Variants in GPR89B observed in about 807,000 individuals in gnomAD.
GPR89B encodes golgi pH regulator B, also known as G protein-coupled receptor 89B.
A neutral mutation model predicts 52.4 loss-of-function variants in GPR89B; 25 were observed. That is an observed-to-expected ratio of 0.48 (90% CI 0.35 to 0.67). The LOEUF is 0.67. Ranked by LOEUF, GPR89B falls within the 30% of genes least tolerant of loss-of-function variation. The pLI, the probability that GPR89B is intolerant of heterozygous loss-of-function variation, is 0.01. For synonymous variants in GPR89B, 52 were observed against 151.2 expected, an observed-to-expected ratio of 0.34 and a Z score of 4.81; for missense variants, 146 against 450.2, an observed-to-expected ratio of 0.32 and a Z score of 6.11.
intron 5 of GPR89B, among the ~76,000 whole-genome samples, chr1:147,952,336 T>G (rs1553251206): frequency 6.6e-6 from 1 of 151,660 alleles, no homozygotes; most frequent in African/African-American, 2.4e-5. Flanking sequence ...AGAAGGAAGA[T>G]AGTAGGAGAT....
intron 1 of GPR89B, among the ~76,000 whole-genome samples, chr1:147,935,972 T>C (rs1553247802): frequency 6.6e-6 from 1 of 152,206 alleles, no homozygotes; most frequent in African/African-American, 2.4e-5. Flanking sequence ...TATTTTTAAA[T>C]ACTTGCAATC....
intron 7 of GPR89B, among the ~76,000 whole-genome samples, chr1:147,962,035 C>T (rs1231262530): frequency 6.6e-6 from 1 of 151,848 alleles, no homozygotes; most frequent in African/African-American, 2.4e-5. Flanking sequence ...AGAGGAATTC[C>T]TCTACCTGAT....
chr1:147,950,065 C>CG (rs1250733958), intron 5 of GPR89B, among the ~76,000 whole-genome samples: 2 of 145,804 alleles, frequency 1.4e-5, no homozygotes, highest in Non-Finnish European at 3.0e-5. Context: ...GCTGGCCGTG[C>CG]GGGGGGCTGA....
intron 2 of GPR89B, among the ~76,000 whole-genome samples, chr1:147,937,834 G>A (rs1273511356): frequency 6.6e-6 from 1 of 152,106 alleles, no homozygotes; most frequent in Non-Finnish European, 1.5e-5. Context: ...TCATCACAGG[G>A]TACTGAGGTG....
rs1160866684 is a variant in GPR89B, at chr1:147,993,033, A to G, written c.*116A>G. 3 of 1,568,368 alleles carry G rather than the reference A, an allele frequency of 1.9e-6. No homozygotes were observed. The highest frequency in any genetic ancestry group is 2.7e-5 in the African/African-American group (2 of 73,852). Reference sequence around the variant, plus strand: ...TAAACAAACAAAATGCTATGGTAGCATTTTTCACCTTCATAGCATACTCCT... The same window carrying G: ...TAAACAAACAAAATGCTATGGTAGCGTTTTTCACCTTCATAGCATACTCCT... On this transcript the variant is annotated 3_prime_UTR_variant, in exon 14 of 14. Transcript: ENST00000314163.
At chr1:148,019,847 G>A in the GPR89B span, among the ~76,000 whole-genome samples, 1 of 151,932 alleles carries the variant, frequency 6.6e-6, no homozygotes, top group Non-Finnish European at 1.5e-5. Flanking sequence ...GAAGAATTCT[G>A]GGAGTGAAAT....
chr1:147,996,616 A>T (rs1659322064), downstream of GPR89B: 1 of 1,611,768 alleles, frequency 6.2e-7, no homozygotes, highest in Non-Finnish European at 8.5e-7. Context: ...GTTTAGGCTT[A>T]TGATCTTCTT....
At chr1:148,019,439 G>A in the GPR89B span, among the ~76,000 whole-genome samples, 1 of 151,842 alleles carries the variant, frequency 6.6e-6, no homozygotes, top group Non-Finnish European at 1.5e-5. Context: ...GGGGTTGGGA[G>A]GAGGGAGAGC....
At chr1:147,981,028 G>T (rs2149087979) in intron 10 of GPR89B, among the ~76,000 whole-genome samples, 1 of 151,384 alleles carries the variant, frequency 6.6e-6, no homozygotes, top group African/African-American at 2.4e-5. Context: ...GCATAATGGG[G>T]TTGGGGGGGG....
chr1:147,968,710 T>C lies in GPR89B; in HGVS notation c.728-165T>C, dbSNP rs1350137482. 179 of 959,456 alleles carry C rather than the reference T, an allele frequency of 1.9e-4. 2 individuals are homozygous for C. The East Asian group carries it at 4.0e-3, about 21-fold the overall frequency. 59.4% of individuals were successfully genotyped at this position (959,456 alleles called of 1,614,324 possible). On this transcript the variant is annotated intron_variant, in intron 8 of 13. Transcript: ENST00000314163. ...AGCTTTTACACACCTGCGTCAGAGG[T>C]TGGGAAAGTTGCTCTGAAGTAGTGT...
chr1:147,989,845 G>C (rs1199916237), intron 12 of GPR89B, among the ~76,000 whole-genome samples: 6,742 of 152,186 alleles, frequency 0.044, 201 homozygotes, highest in African/African-American at 0.073. Flanking sequence ...TGGACATTTG[G>C]GTTGGTTCCA....
the GPR89B span, among the ~76,000 whole-genome samples, chr1:148,004,464 C>T: frequency 1.4e-5 from 2 of 144,604 alleles, no homozygotes; most frequent in East Asian, 2.1e-4. Flanking sequence ...CGCGCCCGGC[C>T]CCTATCTCCA....
chr1:147,934,925 C>T (rs1313053404), intron 1 of GPR89B, among the ~76,000 whole-genome samples: 1 of 151,990 alleles, frequency 6.6e-6, no homozygotes, highest in Non-Finnish European at 1.5e-5. Context: ...CTTAGCCATT[C>T]AGCAAGCACT....
At position 147,943,443 on chromosome 1, in the gene GPR89B, G is replaced by A. The variant is rs782414733; in HGVS notation, c.212G>A (p.Arg71His). ...GTCTTTGACATTTATTTCAGCTCCC[G>A]TTATTTTCACTGGAAAATGAACCTG... ...EILGVLNSSS[R>H]YFHWKMNLCV... The change falls in exon 4 of 14, where the codon CGT becomes CAT. Residue 71 changes from arginine (R) to histidine (H), a missense_variant. Coordinates refer to ENST00000314163, the MANE Select transcript of GPR89B (RefSeq NM_016334.5). The A allele has an allele frequency of 1.6e-5, 25 of 1,609,448 alleles. No individual in the cohort carries two copies. The South Asian group carries it at 1.8e-4, about 11-fold the overall frequency.
chr1:147,992,420 C>A, intron 12 of GPR89B, 82 bp from the exon 13 acceptor site: 2 of 1,374,264 alleles, frequency 1.5e-6, no homozygotes, highest in Non-Finnish European at 2.1e-6. Flanking sequence ...CACTTTTAAT[C>A]AAATGTTAAC....
chr1:147,965,868 A>G (rs1656993427), intron 7 of GPR89B, among the ~76,000 whole-genome samples: 2 of 151,598 alleles, frequency 1.3e-5, no homozygotes, highest in Non-Finnish European at 2.9e-5. Flanking sequence ...TGTTTTTGAG[A>G]TGGAGTCTCA....
At chr1:147,965,225 A>G (rs1412902680) in intron 7 of GPR89B, among the ~76,000 whole-genome samples, 5 of 151,930 alleles carry the variant, frequency 3.3e-5, no homozygotes, top group African/African-American at 1.2e-4. Flanking sequence ...CATGGCTGAC[A>G]TTCTTTCCTG....
At chr1:147,977,088 G>A (rs2149084276) in intron 10 of GPR89B, among the ~76,000 whole-genome samples, 1 of 151,428 alleles carries the variant, frequency 6.6e-6, no homozygotes, top group African/African-American at 2.4e-5. Flanking sequence ...CAAAAAATTA[G>A]CCAGGCATGG....
chr1:147,990,895 T>C (rs1465366646), intron 12 of GPR89B, among the ~76,000 whole-genome samples: 2 of 151,736 alleles, frequency 1.3e-5, no homozygotes, highest in African/African-American at 4.8e-5. Flanking sequence ...TGCCTCCAGC[T>C]TTGTTCTTTT....
Sources: allele counts gnomAD v4.1 joint callset (sites outside exome capture counted in the v4.1 genomes callset), GRCh38; gene constraint gnomAD v4.1.1; transcripts MANE v1.5; gene names NCBI Gene and HGNC (gene_info 2026-07-23, HGNC 2026-07-21).